RARB: variants seen among roughly 807,000 people sequenced by gnomAD.
RARB encodes retinoic acid receptor beta, also known as HBV-activated protein.
In RARB, 17 loss-of-function variants were observed where a neutral mutation model predicts 51.9. The ratio of observed to expected loss-of-function variants is 0.33; its 90% CI spans 0.22 to 0.49. The LOEUF is 0.49. Among genes scored for constraint, RARB ranks in the 20% least tolerant of loss-of-function variants. RARB has a pLI of 0.99. For synonymous variants in RARB, 215 were observed against 195.4 expected (o/e 1.10, Z -0.84); for missense variants, 369 against 550.8 (o/e 0.67, Z 3.30).
At chr3:25,188,675 G>T (rs1701030533) in intron 5 of RARB, among the ~76,000 whole-genome samples, 1 of 152,010 alleles carries the variant, frequency 6.6e-6, no homozygotes, top group Non-Finnish European at 1.5e-5. Flanking sequence ...AATTATAAAT[G>T]TTGTTATTAT....
intron 5 of RARB, among the ~76,000 whole-genome samples, chr3:25,405,305 G>A (rs1428943816): frequency 1.3e-5 from 2 of 152,182 alleles, no homozygotes; most frequent in Non-Finnish European, 1.5e-5. Context: ...GATTGCTTGA[G>A]GCCAGGAGTT....
intron 5 of RARB, among the ~76,000 whole-genome samples, chr3:25,320,802 C>G (rs1704549274): frequency 1.3e-5 from 2 of 152,142 alleles, no homozygotes; most frequent in Middle Eastern, 3.4e-3. Context: ...GGGTTCTTTC[C>G]CAGTGAACTC....
intron 2 of RARB, among the ~76,000 whole-genome samples, chr3:24,973,505 A>T (rs1287023114): frequency 6.6e-6 from 1 of 152,004 alleles, no homozygotes; most frequent in Non-Finnish European, 1.5e-5. Flanking sequence ...TGGAGAATAT[A>T]ACTCATATTT....
At chr3:24,902,830 G>A (rs76131459) in intron 2 of RARB, among the ~76,000 whole-genome samples, 8,019 of 152,108 alleles carry the variant, frequency 0.053, 392 homozygotes, top group East Asian at 0.17. Context: ...GTTATATGGT[G>A]GATATTTTAC....
chr3:24,993,580 T>A (rs57162805), intron 2 of RARB, among the ~76,000 whole-genome samples: 12,086 of 152,136 alleles, frequency 0.079, 1,336 homozygotes, highest in African/African-American at 0.24. Flanking sequence ...AACTATAGTC[T>A]TCTTACAGTG....
chr3:25,363,391 C>A (rs78167429), intron 5 of RARB, among the ~76,000 whole-genome samples: 1 of 152,134 alleles, frequency 6.6e-6, no homozygotes, highest in Non-Finnish European at 1.5e-5. Context: ...AGATATCTAA[C>A]GTAGCATGTC....
chr3:25,080,055 C>T (rs1698962472), intron 3 of RARB, among the ~76,000 whole-genome samples: 1 of 152,090 alleles, frequency 6.6e-6, no homozygotes. Context: ...TTTTCATCAC[C>T]CCAAACAAAC....
chr3:25,403,886 T>TAAAAAAAAAAAAAAAAAAAAAA (rs546197894), intron 5 of RARB, among the ~76,000 whole-genome samples: 2 of 88,368 alleles, frequency 2.3e-5, no homozygotes, highest in African/African-American at 9.6e-5. Context: ...TTTCTTTTTC[T>TAAAAAAAAAAAAAAAAAAAAAA]AAAAAAAAAA....
intron 1 of RARB, among the ~76,000 whole-genome samples, chr3:24,850,403 A>C (rs1158640893): frequency 6.6e-6 from 1 of 152,306 alleles, no homozygotes; most frequent in East Asian, 1.9e-4. Context: ...CTTACATTTC[A>C]TTGGCCAAAG....
At chr3:25,122,064 G>A (rs1426965190) in intron 3 of RARB, among the ~76,000 whole-genome samples, 5 of 152,106 alleles carry the variant, frequency 3.3e-5, no homozygotes, top group African/African-American at 1.2e-4. Flanking sequence ...TATCAGTTAG[G>A]ATAATGTTAA....
chr3:25,518,843 A>G (rs925626235), intron 3 of RARB, among the ~76,000 whole-genome samples: 2 of 152,194 alleles, frequency 1.3e-5, no homozygotes, highest in African/African-American at 4.8e-5. Flanking sequence ...TGTACTGTTT[A>G]GTAAGTTTTG....
intron 5 of RARB, among the ~76,000 whole-genome samples, chr3:25,344,771 C>T (rs1250216329): frequency 6.6e-6 from 1 of 152,202 alleles, no homozygotes; most frequent in African/African-American, 2.4e-5. Context: ...TAGTGTAACT[C>T]CTGGTCATTC....
At chr3:25,401,825 A>G (rs1707271189) in intron 5 of RARB, among the ~76,000 whole-genome samples, 1 of 152,136 alleles carries the variant, frequency 6.6e-6, no homozygotes, top group Admixed American at 6.6e-5. Flanking sequence ...CGCCCAGGCT[A>G]GAGTGCAGTG....
chr3:25,029,185 A>G (rs1200718995), intron 2 of RARB, among the ~76,000 whole-genome samples: 1 of 152,172 alleles, frequency 6.6e-6, no homozygotes, highest in East Asian at 1.9e-4. Flanking sequence ...TAGAGAGGGC[A>G]TTTTCCAAAG....
intron 2 of RARB, among the ~76,000 whole-genome samples, chr3:25,494,205 G>C (rs1396005473): frequency 8.5e-6 from 1 of 117,064 alleles, no homozygotes; most frequent in Admixed American, 8.6e-5. Flanking sequence ...ATGGCTTTAA[G>C]ATCTTCCCCA....
At chr3:24,885,908 C>T (rs540074677) in intron 2 of RARB, among the ~76,000 whole-genome samples, 12 of 152,188 alleles carry the variant, frequency 7.9e-5, no homozygotes, top group Non-Finnish European at 1.6e-4. Flanking sequence ...TGTTATAAAA[C>T]ATTGCTCTAT....
rs150054364 is a variant in RARB at position 25,008,370 on chromosome 3, A to G, written c.-379-51755A>G. Reference sequence around the variant, plus strand: ...GCTCCTCTGACTTGAATCACCATAAATTTATTTTGCCTGCTCACCTTCAGG... The same window carrying G: ...GCTCCTCTGACTTGAATCACCATAAGTTTATTTTGCCTGCTCACCTTCAGG... On this transcript the variant is annotated intron_variant, in intron 2 of 11. Transcript: ENST00000383772. Among the ~76,000 whole-genome samples the G allele has an allele frequency of 3.0e-3, 449 of 152,146 alleles. 3 individuals are homozygous for G. Among genetic ancestry groups the G allele is most frequent in the African/African-American group, 0.01 (433 of 41,496 alleles).
intron 3 of RARB, among the ~76,000 whole-genome samples, chr3:25,068,167 A>T (rs1199556313): frequency 1.4e-5 from 2 of 142,832 alleles, no homozygotes; most frequent in Non-Finnish European, 3.0e-5. Context: ...AAAAAAAAAA[A>T]AAAAAAAAAT....
At chr3:24,953,974 G>A (rs1228231538) in intron 2 of RARB, among the ~76,000 whole-genome samples, 1 of 152,042 alleles carries the variant, frequency 6.6e-6, no homozygotes, top group Non-Finnish European at 1.5e-5. Flanking sequence ...TCTTTTCTGA[G>A]CGCTCAGATG....
Sources: gnomAD v4.1 joint callset for allele counts (sites outside exome capture counted in the v4.1 genomes callset) on GRCh38, gnomAD v4.1.1 for gene constraint, MANE v1.5 for transcripts, NCBI Gene and HGNC (gene_info 2026-07-23, HGNC 2026-07-21) for gene names.